Variants in IGSF10 observed in about 807,000 individuals in gnomAD.
The protein encoded by IGSF10 is calvaria mechanical force protein 608.
In IGSF10, 126 loss-of-function variants were observed where a neutral mutation model predicts 128.2. The observed-to-expected ratio is 0.98, with a 90% confidence interval of 0.85 to 1.14. IGSF10 has a LOEUF of 1.14. Among genes scored for constraint, IGSF10 ranks in the 50% most tolerant of loss-of-function variants. The pLI, the probability that IGSF10 is intolerant of heterozygous loss-of-function variation, is 0.00. For synonymous variants in IGSF10, 1,185 were observed against 1,146.2 expected, an observed-to-expected ratio of 1.03 and a Z score of -0.68; for missense variants, 3,295 against 3,149.8, an observed-to-expected ratio of 1.05 and a Z score of -1.10.
At chr3:151,617,596 A>G in the IGSF10 span, among the ~76,000 whole-genome samples, 6 of 152,106 alleles carry the variant, frequency 3.9e-5, no homozygotes, top group South Asian at 1.2e-3. Flanking sequence ...CTGGACTTTG[A>G]ACTTTTGAGT....
At chr3:151,456,991 C>G in intron 4 of IGSF10, 35 bp downstream of exon 4, 1 of 1,612,764 alleles carries the variant, frequency 6.2e-7, no homozygotes, top group South Asian at 1.1e-5. Flanking sequence ...CCCACCTTAC[C>G]TCTTTAACCT....
the IGSF10 span, among the ~76,000 whole-genome samples, chr3:151,467,141 A>T: frequency 2.6e-5 from 4 of 152,202 alleles, no homozygotes; most frequent in African/African-American, 9.7e-5. Context: ...AGGACATGAC[A>T]AAAGAGGGCT....
chr3:151,467,123 C>T, the IGSF10 span, among the ~76,000 whole-genome samples: 1 of 152,136 alleles, frequency 6.6e-6, no homozygotes, highest in Admixed American at 6.5e-5. Context: ...AGCTTAGGCA[C>T]CAGACCAAGG....
the IGSF10 span, among the ~76,000 whole-genome samples, chr3:151,556,778 T>A: frequency 3.9e-5 from 6 of 152,168 alleles, no homozygotes; most frequent in Admixed American, 6.5e-5. Flanking sequence ...TAAGTAGTTG[T>A]GCATAGGGAG....
the IGSF10 span, among the ~76,000 whole-genome samples, chr3:151,565,512 G>T: frequency 6.6e-6 from 1 of 152,152 alleles, no homozygotes; most frequent in African/African-American, 2.4e-5. Context: ...GATCAAGAAA[G>T]CCAGGCCTGC....
Position 151,437,831 on chromosome 3 carries a change from T to A in IGSF10, c.6730A>T (p.Arg2244Ter). 1 of 1,614,048 alleles carries A rather than the reference T, an allele frequency of 6.2e-7. No individual in the cohort carries two copies. The highest frequency in any genetic ancestry group is 8.5e-7 in the Non-Finnish European group (1 of 1,180,022). Residue 2244 changes from arginine (R) to a stop codon, truncating the protein, a stop_gained, in exon 8 of 8, where the codon AGA (arginine) becomes TGA (stop). Coordinates refer to ENST00000282466, the MANE Select transcript of IGSF10 (RefSeq NM_178822.5). LOFTEE classifies it low-confidence loss of function (END_TRUNC). Reference sequence around the variant, plus strand: ...ACAGCTGTGGCTTTAATAACAGTTCTGTTTGTATACAGACCATTGATTAAT... The same window carrying A: ...ACAGCTGTGGCTTTAATAACAGTTCAGTTTGTATACAGACCATTGATTAAT... ...PPLINGLYTN[R>*]TVIKATAVRH...
At chr3:151,520,064 T>A in the IGSF10 span, among the ~76,000 whole-genome samples, 6 of 151,816 alleles carry the variant, frequency 4.0e-5, no homozygotes, top group Admixed American at 3.9e-4. Context: ...TTTTTTTTCC[T>A]GTATCCTCTC....
chr3:151,582,077 A>G, the IGSF10 span, among the ~76,000 whole-genome samples: 2 of 152,038 alleles, frequency 1.3e-5, no homozygotes, highest in Non-Finnish European at 2.9e-5. Context: ...AAAAACAAAC[A>G]AAACAAAAAT....
the IGSF10 span, among the ~76,000 whole-genome samples, chr3:151,615,000 T>C: frequency 6.6e-6 from 1 of 152,048 alleles, no homozygotes; most frequent in South Asian, 2.1e-4. Flanking sequence ...ATAGATGACT[T>C]TGGAAAGCCT....
chr3:151,433,621 CTATT>C (rs1268147605), downstream of IGSF10: 1 of 152,360 alleles, frequency 6.6e-6, no homozygotes. Context: ...AATCGTCCAA[CTATT>C]TATTGCCAGT....
chr3:151,502,752 A>G, the IGSF10 span, among the ~76,000 whole-genome samples: 1 of 152,118 alleles, frequency 6.6e-6, no homozygotes, highest in Non-Finnish European at 1.5e-5. Context: ...AAAAAGAACT[A>G]AAGAGCTCAT....
the IGSF10 span, among the ~76,000 whole-genome samples, chr3:151,493,944 G>C: frequency 2.0e-5 from 3 of 151,798 alleles, no homozygotes; most frequent in Non-Finnish European, 4.4e-5. Flanking sequence ...AATTTTAGGG[G>C]GTAATTTGTT....
At chr3:151,469,898 T>C in the IGSF10 span, among the ~76,000 whole-genome samples, 4 of 152,308 alleles carry the variant, frequency 2.6e-5, no homozygotes, top group East Asian at 3.9e-4. Flanking sequence ...AATAATAAAA[T>C]TGTAATACCA....
At chr3:151,553,213 G>T in the IGSF10 span, among the ~76,000 whole-genome samples, 3 of 152,048 alleles carry the variant, frequency 2.0e-5, no homozygotes, top group Non-Finnish European at 4.4e-5. Flanking sequence ...TGGATAGATG[G>T]TAATATAAAG....
the IGSF10 span, among the ~76,000 whole-genome samples, chr3:151,520,284 A>G: frequency 6.6e-6 from 1 of 151,946 alleles, no homozygotes; most frequent in East Asian, 1.9e-4. Context: ...CTGTTAACCT[A>G]CCAAAGTATA....
chr3:151,607,605 A>G, the IGSF10 span, among the ~76,000 whole-genome samples: 1 of 152,192 alleles, frequency 6.6e-6, no homozygotes, highest in East Asian at 1.9e-4. Context: ...GCTTAATAAA[A>G]GCATGATTAA....
the IGSF10 span, among the ~76,000 whole-genome samples, chr3:151,509,108 C>G: frequency 6.6e-6 from 1 of 152,194 alleles, no homozygotes; most frequent in East Asian, 1.9e-4. Flanking sequence ...CTGGAAAACA[C>G]TCTTGAATAT....
chr3:151,518,512 C>G, the IGSF10 span, among the ~76,000 whole-genome samples: 2 of 151,988 alleles, frequency 1.3e-5, no homozygotes, highest in Non-Finnish European at 2.9e-5. Context: ...ATTTTCTAAT[C>G]ACTAAGCAAT....
At chr3:151,584,913 T>C in the IGSF10 span, among the ~76,000 whole-genome samples, 1 of 152,230 alleles carries the variant, frequency 6.6e-6, no homozygotes, top group Non-Finnish European at 1.5e-5. Flanking sequence ...TAACGGGCAA[T>C]AGGGCAGGGC....
Sources: gnomAD v4.1 joint callset for allele counts (sites outside exome capture counted in the v4.1 genomes callset) on GRCh38, gnomAD v4.1.1 for gene constraint, MANE v1.5 for transcripts, NCBI Gene and HGNC (gene_info 2026-07-23, HGNC 2026-07-21) for gene names.